The following GAS7 variants were observed in gnomAD, a reference collection of about 807,000 sequenced individuals.
The protein encoded by GAS7 is growth arrest-specific protein 7.
Under a neutral mutation model 71.1 loss-of-function variants are expected in GAS7, and 28 were observed. The ratio of observed to expected loss-of-function variants is 0.39; its 90% confidence interval spans 0.29 to 0.54. The LOEUF (loss-of-function observed/expected upper bound fraction) is 0.54. Ranked by LOEUF, GAS7 falls within the 20% of genes least tolerant of loss-of-function variation. The probability of loss-of-function intolerance (pLI) is 0.62; values close to 1 mark genes in which losing one functional copy is unlikely to be tolerated. For synonymous variants in GAS7, 258 were observed against 245.8 expected (o/e 1.05, Z -0.46); for missense variants, 436 against 627.8 (o/e 0.69, Z 3.27).
At chr17:10,133,526 T>C (rs1195098415) in intron 1 of GAS7, among the ~76,000 whole-genome samples, 1 of 152,210 alleles carries the variant, frequency 6.6e-6, no homozygotes, top group Non-Finnish European at 1.5e-5. Context: ...AGCTCATTAA[T>C]CTACGCATTA....
intron 5 of GAS7, among the ~76,000 whole-genome samples, chr17:9,950,943 T>C (rs1460865940): frequency 6.6e-6 from 1 of 151,898 alleles, no homozygotes; most frequent in Non-Finnish European, 1.5e-5. Context: ...GAAGATCAGC[T>C]GAGGCTGGGG....
chr17:10,068,591 TAAAA>T (rs35892404), intron 1 of GAS7, among the ~76,000 whole-genome samples: 3 of 141,194 alleles, frequency 2.1e-5, no homozygotes, highest in African/African-American at 7.8e-5. Context: ...CCCTGTCTCT[TAAAA>T]AAAAAAAAAA....
chr17:10,090,699 C>G (rs138489253), intron 1 of GAS7, among the ~76,000 whole-genome samples: 118 of 152,260 alleles, frequency 7.7e-4, no homozygotes, highest in African/African-American at 2.7e-3. Flanking sequence ...CAAATGACAT[C>G]AATTTCATGC....
At chr17:10,081,920 G>A (rs574800804) in intron 1 of GAS7, among the ~76,000 whole-genome samples, 10 of 152,276 alleles carry the variant, frequency 6.6e-5, no homozygotes, top group Non-Finnish European at 1.5e-4. Flanking sequence ...ATGGACCCAA[G>A]AAATACCCAG....
chr17:10,178,950 G>A (rs1284802928), intron 1 of GAS7, among the ~76,000 whole-genome samples: 4 of 152,030 alleles, frequency 2.6e-5, no homozygotes, highest in Non-Finnish European at 4.4e-5. Context: ...ACAGACAGGT[G>A]CTGGGGCACA....
intron 5 of GAS7, among the ~76,000 whole-genome samples, chr17:9,947,483 G>A (rs1180267281): frequency 3.9e-5 from 6 of 152,164 alleles, no homozygotes; most frequent in South Asian, 2.1e-4. Flanking sequence ...GGTGGCTCAC[G>A]CCTGTAATCC....
chr17:10,103,663 C>T lies in GAS7; in HGVS notation c.184-83766G>A, dbSNP rs1314702150. Reference sequence around the variant, plus strand: ...CAACATGGAGAAACCCCGTCTCTACCAAAAATACAAAAATTAGCTGGGTGT... The same window carrying T: ...CAACATGGAGAAACCCCGTCTCTACTAAAAATACAAAAATTAGCTGGGTGT... On this transcript the variant is annotated intron_variant, in intron 1 of 13. Coordinates refer to ENST00000432992, the MANE Select transcript of GAS7 (RefSeq NM_201433.2). This position sits in a 1 kb window ranked among gnomAD's most constrained non-coding sequence, Gnocchi z 5.5. 3.3e-5 allele frequency among the ~76,000 whole-genome samples: 5 copies of T among 151,766 alleles called. No individual in the cohort carries two copies. The East Asian group carries it at 9.7e-4, about 29-fold the overall frequency.
chr17:10,046,211 C>T lies in GAS7; in HGVS notation c.184-26314G>A, dbSNP rs73974413. On this transcript the variant is annotated intron_variant, in intron 1 of 13. Coordinates refer to ENST00000432992, the MANE Select transcript of GAS7 (RefSeq NM_201433.2). ...ACAACGACAGGAACACGGTACCCGG[C>T]GTGTGACTGAATCTCTGGGAGATTA... Among the ~76,000 whole-genome samples the T allele has an allele frequency of 3.9e-3, 589 of 152,138 alleles. 7 individuals are homozygous for T. Among genetic ancestry groups the T allele is most frequent in the African/African-American group, 0.012 (515 of 41,512 alleles).
chr17:10,034,212 G>A lies in GAS7; in HGVS notation c.184-14315C>T. 1 of 985,142 alleles carries A rather than the reference G, an allele frequency of 1.0e-6. No individual in the cohort carries two copies. Among genetic ancestry groups the A allele is most frequent in the Non-Finnish European group, 1.2e-6 (1 of 829,672 alleles). The allele number at this position is 985,142 out of a possible 1,614,324, so 61.0% of individuals were successfully genotyped here. On this transcript the variant is annotated intron_variant, in intron 1 of 13. Transcript: ENST00000432992. This position sits in a 1 kb window ranked among gnomAD's most constrained non-coding sequence, Gnocchi z 4.4. ...ATCTTGAGCAACCTCTTCCATCTCT[G>A]CTGGGAGGCCTCAATTGCTTCATCT...
At chr17:9,980,517 C>G (rs540733484) in intron 3 of GAS7, among the ~76,000 whole-genome samples, 2 of 152,340 alleles carry the variant, frequency 1.3e-5, no homozygotes, top group South Asian at 4.1e-4. Context: ...ATGTCACGCT[C>G]AAGGCATTGG....
intron 1 of GAS7, among the ~76,000 whole-genome samples, chr17:10,079,306 C>T: frequency 6.6e-6 from 1 of 152,172 alleles, no homozygotes; most frequent in East Asian, 1.9e-4. Flanking sequence ...CTAAGTCCTT[C>T]CAACTATCTG....
At chr17:10,102,004 C>T (rs954999048) in intron 1 of GAS7, among the ~76,000 whole-genome samples, 2 of 151,976 alleles carry the variant, frequency 1.3e-5, no homozygotes, top group East Asian at 1.9e-4. Flanking sequence ...CAAATAGTGC[C>T]CATGCATAAG....
At chr17:9,973,965 G>A (rs1286304843) in intron 3 of GAS7, among the ~76,000 whole-genome samples, 1 of 152,128 alleles carries the variant, frequency 6.6e-6, no homozygotes, top group Non-Finnish European at 1.5e-5. Flanking sequence ...CAGCTCCTGA[G>A]GAGACCCTGA....
intron 3 of GAS7, among the ~76,000 whole-genome samples, chr17:9,972,464 A>G (rs2070009105): frequency 6.6e-6 from 1 of 152,226 alleles, no homozygotes; most frequent in Admixed American, 6.5e-5. Context: ...ACAACAGAAG[A>G]AAACCTCAGG....
chr17:10,089,966 G>A (rs969176399), intron 1 of GAS7, among the ~76,000 whole-genome samples: 4 of 152,102 alleles, frequency 2.6e-5, no homozygotes, highest in African/African-American at 7.2e-5. Flanking sequence ...CCGGGAGTTC[G>A]AGACCAGCCC....
chr17:10,133,885 T>C (rs1332758242), intron 1 of GAS7, among the ~76,000 whole-genome samples: 1 of 152,146 alleles, frequency 6.6e-6, no homozygotes, highest in Non-Finnish European at 1.5e-5. Context: ...TTTCTCTTTT[T>C]TTAAGGTGGA....
intron 1 of GAS7, among the ~76,000 whole-genome samples, chr17:10,164,848 GAA>G (rs755151597): frequency 2.8e-5 from 3 of 106,064 alleles, no homozygotes; most frequent in Non-Finnish European, 3.8e-5. Flanking sequence ...ATGAAAAAAG[GAA>G]AAAAAAAAAA....
At chr17:10,016,669 T>C (rs1210809846) in intron 2 of GAS7, among the ~76,000 whole-genome samples, 2 of 144,120 alleles carry the variant, frequency 1.4e-5, no homozygotes, top group African/African-American at 5.1e-5. Flanking sequence ...ATCCCAACAC[T>C]GTGGAAGGTC....
At chr17:10,186,304 A>G (rs193258231) in intron 1 of GAS7, among the ~76,000 whole-genome samples, 4 of 151,518 alleles carry the variant, frequency 2.6e-5, no homozygotes, top group Admixed American at 6.6e-5. Context: ...ACACCCATTC[A>G]TGTTGGAGAA....
Sources: allele counts gnomAD v4.1 joint callset (sites outside exome capture counted in the v4.1 genomes callset), GRCh38; gene constraint gnomAD v4.1.1; non-coding constraint Gnocchi (gnomAD v3.1); transcripts MANE v1.5; gene names NCBI Gene and HGNC (gene_info 2026-07-23, HGNC 2026-07-21).